SLC25A48: variants seen among roughly 807,000 people sequenced by gnomAD.
SLC25A48 encodes the protein solute carrier family 25 member 48, also known as CTC-321K16.1.
A neutral mutation model predicts 32.2 loss-of-function variants in SLC25A48; 29 were observed. The ratio of observed to expected loss-of-function variants is 0.90; its 90% CI spans 0.67 to 1.23. SLC25A48 has a LOEUF of 1.23. Ranked by LOEUF, SLC25A48 falls within the 50% of genes most tolerant of loss-of-function variation. The pLI is 0.00. For missense variants in SLC25A48, 399 were observed against 422.7 expected, an observed-to-expected ratio of 0.94 and a Z score of 0.49; for synonymous variants, 164 against 172.3, an observed-to-expected ratio of 0.95 and a Z score of 0.38.
intron 3 of SLC25A48, among the ~76,000 whole-genome samples, chr5:135,802,322 C>T (rs1466776412): frequency 6.6e-6 from 1 of 151,618 alleles, no homozygotes; most frequent in East Asian, 1.9e-4. Context: ...AGTGGGTATA[C>T]ACCATGTGTG....
intron 1 of SLC25A48, among the ~76,000 whole-genome samples, chr5:135,611,128 A>G (rs1752053824): frequency 6.6e-6 from 1 of 152,258 alleles, no homozygotes; most frequent in African/African-American, 2.4e-5. Flanking sequence ...TAAAGAAGAC[A>G]GAAGCCAAGC....
At chr5:135,774,877 C>A (rs1251179013) in intron 3 of SLC25A48, among the ~76,000 whole-genome samples, 1 of 151,490 alleles carries the variant, frequency 6.6e-6, no homozygotes, top group Non-Finnish European at 1.5e-5. Context: ...TTATTACTCC[C>A]AATATTGCAG....
upstream of SLC25A48, among the ~76,000 whole-genome samples, chr5:135,833,500 G>A (rs938503407): frequency 7.9e-5 from 12 of 152,176 alleles, no homozygotes; most frequent in Admixed American, 4.6e-4. Flanking sequence ...CATATATCCC[G>A]GGCATGACAG....
intron 3 of SLC25A48, among the ~76,000 whole-genome samples, chr5:135,800,209 T>G (rs925106401): frequency 6.6e-6 from 1 of 151,740 alleles, no homozygotes; most frequent in African/African-American, 2.4e-5. Context: ...TCAATATCAC[T>G]GGGAGAGTAC....
intron 3 of SLC25A48, among the ~76,000 whole-genome samples, chr5:135,792,089 G>A (rs747426108): frequency 8.6e-5 from 13 of 151,800 alleles, no homozygotes; most frequent in African/African-American, 2.9e-4. Flanking sequence ...TAATGTCACA[G>A]TGGGTGTACG....
chr5:135,676,007 C>T (rs6881902), intron 3 of SLC25A48, among the ~76,000 whole-genome samples: 123,751 of 151,880 alleles, frequency 0.81, 50,647 homozygotes, highest in Middle Eastern at 0.9. Flanking sequence ...TCTTAGCTAG[C>T]TTATTTTTGG....
chr5:135,715,199 G>A (rs2126977857), intron 3 of SLC25A48, among the ~76,000 whole-genome samples: 1 of 152,334 alleles, frequency 6.6e-6, no homozygotes, highest in Non-Finnish European at 1.5e-5. Flanking sequence ...GAGGTGCAAT[G>A]GATAGAATTT....
chr5:135,691,411 G>A (rs557245105), intron 3 of SLC25A48, among the ~76,000 whole-genome samples: 81 of 152,332 alleles, frequency 5.3e-4, no homozygotes, highest in South Asian at 2.3e-3. Context: ...TCAGCAGGAG[G>A]AGGGAAGGTG....
At chr5:135,751,605 A>G (rs1755771848) in intron 3 of SLC25A48, among the ~76,000 whole-genome samples, 1 of 152,184 alleles carries the variant, frequency 6.6e-6, no homozygotes, top group Non-Finnish European at 1.5e-5. Context: ...AGGCCAAGGC[A>G]GGAGGATTGC....
intron 3 of SLC25A48, among the ~76,000 whole-genome samples, chr5:135,720,217 C>CGGGT (rs1754915523): frequency 6.6e-6 from 1 of 152,220 alleles, no homozygotes; most frequent in Non-Finnish European, 1.5e-5. Context: ...GACTCAGACC[C>CGGGT]ATTCTTGGGT....
At chr5:135,816,721 T>C (rs530328785) in intron 4 of SLC25A48, among the ~76,000 whole-genome samples, 1 of 152,110 alleles carries the variant, frequency 6.6e-6, no homozygotes. Flanking sequence ...CCTCCCACTA[T>C]AAACAACAAG....
At chr5:135,831,326 C>T (rs539926323), upstream of SLC25A48, among the ~76,000 whole-genome samples, 8 of 152,330 alleles carry the variant, frequency 5.3e-5, no homozygotes, top group Admixed American at 3.9e-4. Flanking sequence ...TAAGGCCCAG[C>T]GGACTAAGCA....
intron 3 of SLC25A48, among the ~76,000 whole-genome samples, chr5:135,637,898 A>T (rs1752742694): frequency 6.6e-6 from 1 of 152,212 alleles, no homozygotes; most frequent in Admixed American, 6.5e-5. Flanking sequence ...GATTCCTGGC[A>T]TCAGAAAAGC....
chr5:135,723,934 C>A (rs1324771062), intron 3 of SLC25A48, among the ~76,000 whole-genome samples: 1 of 152,170 alleles, frequency 6.6e-6, no homozygotes, highest in Non-Finnish European at 1.5e-5. Context: ...AAATACCTGG[C>A]CTTAAAAAGC....
intron 1 of SLC25A48, chr5:135,609,315 T>C (rs911809953): frequency 6.6e-6 from 1 of 152,224 alleles, no homozygotes; most frequent in Non-Finnish European, 1.5e-5. Context: ...ATGTGGAGGG[T>C]GCCAGGAATA....
At chr5:135,883,366 C>G in intron 7 of SLC25A48, 15 of 985,456 alleles carry the variant, frequency 1.5e-5, no homozygotes, top group Non-Finnish European at 1.7e-5. Context: ...TAGACCCTCC[C>G]CCCATGGCCA....
At chr5:135,829,583 A>T (rs1458836853) in intron 4 of SLC25A48, among the ~76,000 whole-genome samples, 2 of 151,650 alleles carry the variant, frequency 1.3e-5, no homozygotes, top group Non-Finnish European at 2.9e-5. Context: ...TTTCCCCCTG[A>T]TTAAACTGTT....
chr5:135,871,060 GACACAC>G (rs10569008), intron 4 of SLC25A48, among the ~76,000 whole-genome samples: 9,661 of 137,500 alleles, frequency 0.07, 312 homozygotes, highest in East Asian at 0.11. Context: ...TGTGTACACA[GACACAC>G]ACACACACAC....
intron 3 of SLC25A48, among the ~76,000 whole-genome samples, chr5:135,694,933 A>T (rs987258106): frequency 1.3e-5 from 2 of 152,172 alleles, no homozygotes; most frequent in African/African-American, 4.8e-5. Flanking sequence ...TTCCCAAGCC[A>T]CTTAGTGTGA....
Sources: allele counts gnomAD v4.1 joint callset (sites outside exome capture counted in the v4.1 genomes callset), GRCh38; gene constraint gnomAD v4.1.1; transcripts MANE v1.5; gene names NCBI Gene and HGNC (gene_info 2026-07-23, HGNC 2026-07-21).